The following PTBP3 variants were observed in gnomAD, a reference collection of about 807,000 sequenced individuals.
The protein encoded by PTBP3 is polypyrimidine tract binding protein 3.
A neutral mutation model predicts 58.7 loss-of-function variants in PTBP3; 20 were observed. That is an observed-to-expected ratio of 0.34 (90% confidence interval 0.24 to 0.50). PTBP3 has a LOEUF of 0.50. PTBP3 is among the 20% of genes least tolerant of loss of function. PTBP3 has a pLI of 0.98. For missense variants in PTBP3, 509 were observed against 637.2 expected, an observed-to-expected ratio of 0.80 and a Z score of 2.17; for synonymous variants, 185 against 219.8, an observed-to-expected ratio of 0.84 and a Z score of 1.40.
chr9:112,298,768 G>C (rs1383079427), intron 1 of PTBP3, among the ~76,000 whole-genome samples: 1 of 152,102 alleles, frequency 6.6e-6, no homozygotes, highest in East Asian at 1.9e-4. Context: ...CTTCTGTAGG[G>C]AACAACTTTA....
At chr9:112,231,065 C>A (rs1048289978) in intron 10 of PTBP3, among the ~76,000 whole-genome samples, 4 of 143,948 alleles carry the variant, frequency 2.8e-5, no homozygotes, top group African/African-American at 1.2e-4. Flanking sequence ...CCCCTCTCCC[C>A]TCCCCTGTGA....
At chr9:112,243,964 TAGACACCAC>T (rs1308414478) in intron 7 of PTBP3, among the ~76,000 whole-genome samples, 6 of 152,152 alleles carry the variant, frequency 3.9e-5, no homozygotes, top group African/African-American at 1.4e-4. Flanking sequence ...GTATGGTTCT[TAGACACCAC>T]ACTATGCCAT....
chr9:112,292,306 A>C (rs190577109), intron 2 of PTBP3, among the ~76,000 whole-genome samples: 119 of 152,320 alleles, frequency 7.8e-4, no homozygotes, highest in South Asian at 1.5e-3. Context: ...ATGTGGAAAA[A>C]CTGAAACCCC....
chr9:112,371,646 A>ATTTTTTTTTTTT, the PTBP3 span, among the ~76,000 whole-genome samples: 1 of 127,544 alleles, frequency 7.8e-6, no homozygotes, highest in Non-Finnish European at 1.6e-5. Context: ...TTTTTAGTAG[A>ATTTTTTTTTTTT]TTTTTTTTTT....
intron 1 of PTBP3, among the ~76,000 whole-genome samples, chr9:112,304,920 T>C (rs185458956): frequency 6.2e-4 from 94 of 152,336 alleles, no homozygotes; most frequent in African/African-American, 2.2e-3. Context: ...TATAGTGTTT[T>C]GTCTTTAATA....
At chr9:112,325,186 C>T (rs1830105811) in intron 1 of PTBP3, among the ~76,000 whole-genome samples, 1 of 152,188 alleles carries the variant, frequency 6.6e-6, no homozygotes. Flanking sequence ...GAAGGGTCCC[C>T]GGAGAACCTT....
At chr9:112,318,203 A>C (rs895986841) in intron 1 of PTBP3, among the ~76,000 whole-genome samples, 28 of 152,184 alleles carry the variant, frequency 1.8e-4, no homozygotes, top group Non-Finnish European at 1.5e-5. Context: ...AAAAGAAATA[A>C]AGGTCACCCA....
intron 8 of PTBP3, among the ~76,000 whole-genome samples, chr9:112,233,279 GT>G (rs1260904657): frequency 1.3e-3 from 34 of 26,014 alleles, no homozygotes; most frequent in Non-Finnish European, 2.1e-3. Flanking sequence ...TAGGGTGTGT[GT>G]GTGTGTGTGT....
At chr9:112,248,780 T>A (rs928273786) in intron 7 of PTBP3, among the ~76,000 whole-genome samples, 9 of 152,186 alleles carry the variant, frequency 5.9e-5, no homozygotes, top group Admixed American at 2.0e-4. Context: ...TCCTTTCCTA[T>A]GTACTTCTTA....
rs1564380576 is a variant in PTBP3 at position 112,220,540 on chromosome 9, A to G, written c.*3311T>C. ...GCATAAATGATATCTCCAAAAACTG[A>G]GCTCAGCAACTTTTAACAGTAAATC... On this transcript the variant is annotated 3_prime_UTR_variant, in exon 14 of 14. Transcript: ENST00000374257. The G allele has an allele frequency of 2.0e-6, 2 of 1,013,304 alleles. No individual in the cohort carries two copies. Among genetic ancestry groups the G allele is most frequent in the Non-Finnish European group, 2.4e-6 (2 of 845,934 alleles). The allele number at this position is 1,013,304 out of a possible 1,614,324, so 62.8% of individuals were successfully genotyped here.
intron 1 of PTBP3, among the ~76,000 whole-genome samples, chr9:112,331,489 T>G (rs1191719499): frequency 6.6e-6 from 1 of 152,238 alleles, no homozygotes; most frequent in Non-Finnish European, 1.5e-5. Context: ...AATAAATGAC[T>G]CTAGATGATG....
chr9:112,227,476 C>A lies in PTBP3; in HGVS notation c.1299G>T (p.Lys433Asn). ...FSNSPLHRFKKPGSKNFQNIF... is the reference protein window; with the variant it reads ...FSNSPLHRFKNPGSKNFQNIF... The stretch of plus-strand genomic sequence containing the variant: ...TATTCTGGAAGTTTTTAGAGCCCGG[C>A]TTTTTAAAGCGATGCAAAGGACTAT... Residue 433 changes from lysine to asparagine, a missense_variant, in exon 12 of 14, where the codon AAG becomes AAT. Physicochemically the swap from Lys to Asn is moderately conservative, Grantham distance 94. Coordinates refer to ENST00000374257, the MANE Select transcript of PTBP3 (RefSeq NM_001163788.4). The A allele has an allele frequency of 6.2e-7, 1 of 1,613,980 alleles. No homozygotes were observed. Among genetic ancestry groups the A allele is most frequent in the Non-Finnish European group, 8.5e-7 (1 of 1,179,922 alleles).
intron 2 of PTBP3, among the ~76,000 whole-genome samples, chr9:112,287,330 T>C (rs1313214740): frequency 7.6e-6 from 1 of 131,040 alleles, no homozygotes; most frequent in Non-Finnish European, 1.6e-5. Context: ...TCACTTCTTT[T>C]TCAGTTTTTT....
intron 1 of PTBP3, chr9:112,332,955 T>C (rs1046420009): frequency 6.9e-7 from 1 of 1,455,012 alleles, no homozygotes; most frequent in South Asian, 1.5e-5. Context: ...CGTGGGACCA[T>C]GGCTTGCGAC....
rs925548206 is a variant in PTBP3 at position 112,227,412 on chromosome 9, G to T, written c.1363C>A (p.Pro455Thr). Residue 455 changes from proline (P) to threonine (T), a missense_variant and splice_region_variant, in exon 12 of 14, where the codon CCC becomes ACC. By Grantham distance (38) the Pro-to-Thr change is conservative. This residue lies in a region of PTBP3 where 135 missense variants were observed against 229.0 expected (regional missense o/e 0.59). Transcript: ENST00000374257. Reference protein sequence around the residue: ...PSATLHLSNIPPSVTVDDLKN... With the variant: ...PSATLHLSNITPSVTVDDLKN... ...ATTAATAACTTATTAGGTACATACG[G>T]AATGTTGGAAAGATGCAGAGTGGCT... 2.5e-6 allele frequency: 4 copies of T among 1,612,424 alleles called. No individual in the cohort carries two copies. The South Asian group carries it at 4.4e-5, about 18-fold the overall frequency.
At chr9:112,308,461 A>G (rs1382758905) in intron 1 of PTBP3, among the ~76,000 whole-genome samples, 1 of 152,148 alleles carries the variant, frequency 6.6e-6, no homozygotes, top group African/African-American at 2.4e-5. Flanking sequence ...ATATAAAATG[A>G]AAAGGATTTC....
chr9:112,376,201 G>A, the PTBP3 span, among the ~76,000 whole-genome samples: 5 of 1,064 alleles, frequency 4.7e-3, 1 homozygote, highest in East Asian at 0.026. Flanking sequence ...TTATATACGT[G>A]TGTGTGTGTG....
chr9:112,234,903 G>A lies in PTBP3; in HGVS notation c.803-6C>T, dbSNP rs748695890. On this transcript the variant is annotated splice_region_variant and splice_polypyrimidine_tract_variant and intron_variant, in intron 7 of 13. Transcript: ENST00000374257. ...AGAAATTATACCCGGTGCACCTAAT[G>A]GGAAAGAGAAGCTAAAGTAAACACA... 2 of 1,608,206 alleles carry A rather than the reference G, an allele frequency of 1.2e-6. No homozygotes were observed. The highest frequency in any genetic ancestry group is 1.7e-6 in the Non-Finnish European group (2 of 1,175,602).
At chr9:112,270,540 CAAGAT>C (rs150328570) in intron 3 of PTBP3, among the ~76,000 whole-genome samples, 5,522 of 151,996 alleles carry the variant, frequency 0.036, 187 homozygotes, top group African/African-American at 0.097. Flanking sequence ...AAAGGTTTCC[CAAGAT>C]AAGAATCATA....
Sources: allele counts gnomAD v4.1 joint callset (sites outside exome capture counted in the v4.1 genomes callset), GRCh38; gene constraint gnomAD v4.1.1; regional missense constraint gnomAD v4.1.1; transcripts MANE v1.5; gene names NCBI Gene and HGNC (gene_info 2026-07-23, HGNC 2026-07-21).